TMEM132D: variants seen among roughly 807,000 people sequenced by gnomAD.
TMEM132D encodes the protein transmembrane protein 132D.
A neutral mutation model predicts 62.3 loss-of-function variants in TMEM132D; 21 were observed. The observed-to-expected ratio is 0.34, with a 90% CI of 0.24 to 0.49. TMEM132D has a LOEUF of 0.49. TMEM132D is among the 20% of genes least tolerant of loss of function. The pLI is 0.99. For synonymous variants in TMEM132D, 621 were observed against 575.6 expected (o/e 1.08, Z -1.13); for missense variants, 1,346 against 1,402.8 (o/e 0.96, Z 0.65).
At chr12:129,836,900 T>C (rs1161048654) in intron 1 of TMEM132D, among the ~76,000 whole-genome samples, 1 of 152,224 alleles carries the variant, frequency 6.6e-6, no homozygotes, top group Non-Finnish European at 1.5e-5. Flanking sequence ...GCTATAGCCA[T>C]TTACAGACTA....
chr12:129,495,979 G>A (rs1047011511), intron 3 of TMEM132D, among the ~76,000 whole-genome samples: 1 of 152,198 alleles, frequency 6.6e-6, no homozygotes, highest in Non-Finnish European at 1.5e-5. Flanking sequence ...AACTCAGTAA[G>A]GCAGGGGGCT....
chr12:129,190,780 T>G (rs1465814818), intron 5 of TMEM132D, among the ~76,000 whole-genome samples: 2 of 152,220 alleles, frequency 1.3e-5, no homozygotes, highest in East Asian at 3.8e-4. Flanking sequence ...ACATTTGTGT[T>G]GTTTTAAGCC....
chr12:129,731,667 A>T lies in TMEM132D; in HGVS notation c.80-30969T>A, dbSNP rs74242842. On this transcript the variant is annotated intron_variant, in intron 1 of 8. Coordinates refer to ENST00000422113, the MANE Select transcript of TMEM132D (RefSeq NM_133448.3). ...GTTTTCAGACTTGAAGCCACTGGAA[A>T]TTTTTTTTTTTTTGAGACGGAGTCT... Among the ~76,000 whole-genome samples the T allele has an allele frequency of 1.3e-3, 195 of 148,976 alleles. 2 individuals carry two copies. The East Asian group carries it at 0.027, about 21-fold the overall frequency.
intron 1 of TMEM132D, among the ~76,000 whole-genome samples, chr12:129,795,149 T>C (rs1407612652): frequency 6.6e-6 from 1 of 152,214 alleles, no homozygotes; most frequent in Non-Finnish European, 1.5e-5. Flanking sequence ...AACATGATAC[T>C]CCATTTGAAT....
intron 1 of TMEM132D, among the ~76,000 whole-genome samples, chr12:129,820,269 C>T (rs1159395161): frequency 6.6e-6 from 1 of 152,178 alleles, no homozygotes; most frequent in East Asian, 1.9e-4. Context: ...CACTCAATGT[C>T]TTTGCAAGGC....
chr12:129,773,621 G>T (rs1456202252), intron 1 of TMEM132D, among the ~76,000 whole-genome samples: 2 of 152,072 alleles, frequency 1.3e-5, no homozygotes, highest in African/African-American at 4.8e-5. Context: ...TATATTGAGA[G>T]TATCTTTTTC....
intron 1 of TMEM132D, among the ~76,000 whole-genome samples, chr12:129,874,078 A>T (rs1874336842): frequency 6.6e-6 from 1 of 152,210 alleles, no homozygotes; most frequent in Non-Finnish European, 1.5e-5. Flanking sequence ...ATCATGAAGC[A>T]CCAACGTGCA....
intron 1 of TMEM132D, among the ~76,000 whole-genome samples, chr12:129,760,323 C>CTTTTTTTTTTTTTTT (rs71082753): frequency 5.2e-5 from 6 of 115,494 alleles, no homozygotes; most frequent in African/African-American, 1.8e-4. Context: ...AAGCCACTTT[C>CTTTTTTTTTTTTTTT]TTTTTTTTTT....
chr12:129,321,070 A>T (rs1385160326), intron 4 of TMEM132D, among the ~76,000 whole-genome samples: 1 of 152,206 alleles, frequency 6.6e-6, no homozygotes, highest in Non-Finnish European at 1.5e-5. Flanking sequence ...ATTCATAACC[A>T]TACTTTACCC....
chr12:129,627,325 T>C (rs538124037), intron 2 of TMEM132D, among the ~76,000 whole-genome samples: 1 of 152,356 alleles, frequency 6.6e-6, no homozygotes, highest in South Asian at 2.1e-4. Flanking sequence ...ACCACTGTGT[T>C]ACAATTTCCT....
intron 3 of TMEM132D, among the ~76,000 whole-genome samples, chr12:129,468,955 C>T (rs1294086897): frequency 6.6e-6 from 1 of 152,174 alleles, no homozygotes; most frequent in Admixed American, 6.5e-5. Flanking sequence ...CTGAAGGAAG[C>T]CAAGTGGTAA....
At chr12:129,704,695 A>G (rs1268558104) in intron 1 of TMEM132D, among the ~76,000 whole-genome samples, 1 of 146,428 alleles carries the variant, frequency 6.8e-6, no homozygotes, top group Non-Finnish European at 1.5e-5. Flanking sequence ...GTCATATGGT[A>G]ACATGCAACG....
chr12:129,228,967 G>A (rs538557104), intron 4 of TMEM132D, among the ~76,000 whole-genome samples: 1 of 152,238 alleles, frequency 6.6e-6, no homozygotes, highest in Non-Finnish European at 1.5e-5. Flanking sequence ...GCATCATTCA[G>A]TGAATGTGTC....
At chr12:129,115,298 C>A (rs1875860817) in intron 5 of TMEM132D, among the ~76,000 whole-genome samples, 1 of 152,182 alleles carries the variant, frequency 6.6e-6, no homozygotes. Flanking sequence ...GCTCAGCCAA[C>A]ACGATTATCC....
At position 129,867,589 on chromosome 12, in the gene TMEM132D, T is replaced by C. The variant is rs761044685; in HGVS notation, c.79+35672A>G. 2.0e-5 allele frequency among the ~76,000 whole-genome samples: 3 copies of C among 152,186 alleles called. No individual in the cohort carries two copies. Among genetic ancestry groups the C allele is most frequent in the Non-Finnish European group, 4.4e-5 (3 of 68,042 alleles). On this transcript the variant is annotated intron_variant, in intron 1 of 8. Coordinates refer to ENST00000422113, the MANE Select transcript of TMEM132D (RefSeq NM_133448.3). The surrounding 1 kb of genome is among the most constrained non-coding windows in gnomAD (Gnocchi z 4.5). ...CCTTGAAATGTACTGAGAGGATAAA[T>C]CTTCAGTGTTTTCCTCATAAAAAGA...
rs561848632 is a variant in TMEM132D, at chr12:129,872,253, T to C, written c.79+31008A>G. ...CTAACACCCAATCTCTTTTTCCTGA[T>C]AGGAGTAAATCTCCCCAAGACAAAG... On this transcript the variant is annotated intron_variant, in intron 1 of 8. Coordinates refer to ENST00000422113, the MANE Select transcript of TMEM132D (RefSeq NM_133448.3). Among the ~76,000 whole-genome samples, 7 of 152,312 alleles carry C rather than the reference T, an allele frequency of 4.6e-5. 1 individual carries two copies. The Middle Eastern group carries it at 0.014, about 296-fold the overall frequency.
chr12:129,519,794 A>T (rs1483618886), intron 3 of TMEM132D, among the ~76,000 whole-genome samples: 1 of 152,018 alleles, frequency 6.6e-6, no homozygotes, highest in Non-Finnish European at 1.5e-5. Context: ...TTTTTAGTAC[A>T]GACAGGGTTT....
rs575058963 is a variant in TMEM132D at position 129,480,559 on chromosome 12, G to A, written c.1115+50500C>T. Among the ~76,000 whole-genome samples the A allele has an allele frequency of 5.3e-5, 8 of 152,288 alleles. No individual in the cohort carries two copies. In the South Asian group the frequency reaches 1.7e-3, roughly 32 times the overall value. On this transcript the variant is annotated intron_variant, in intron 3 of 8. Transcript: ENST00000422113. ...AGCTTTGCAGCAATGCTGTCCCACA[G>A]ACCTTTCTGCAGTAATAGGGACGTT... is the stretch of plus-strand genomic sequence containing the variant.
At chr12:129,594,459 T>C (rs1878280873) in intron 2 of TMEM132D, among the ~76,000 whole-genome samples, 1 of 152,188 alleles carries the variant, frequency 6.6e-6, no homozygotes, top group African/African-American at 2.4e-5. Context: ...TTGCTTTTGG[T>C]TTCTATGAGA....
Sources: gnomAD v4.1 joint callset for allele counts (sites outside exome capture counted in the v4.1 genomes callset) on GRCh38, gnomAD v4.1.1 for gene constraint, Gnocchi (gnomAD v3.1) non-coding constraint, MANE v1.5 for transcripts, NCBI Gene and HGNC (gene_info 2026-07-23, HGNC 2026-07-21) for gene names.